Variants in LILRA6 observed in about 807,000 individuals in gnomAD.
The protein encoded by LILRA6 is leukocyte immunoglobulin-like receptor subfamily A member 6.
In LILRA6, 16 loss-of-function variants were observed where a neutral mutation model predicts 53.9. The ratio of observed to expected loss-of-function variants is 0.30; its 90% CI spans 0.20 to 0.45. The LOEUF (loss-of-function observed/expected upper bound fraction) is 0.45, where lower values mean the gene tolerates loss of function less well. Ranked by LOEUF, LILRA6 falls within the 20% of genes least tolerant of loss-of-function variation. The pLI is 1.00. For missense variants in LILRA6, 306 were observed against 618.6 expected, an observed-to-expected ratio of 0.49 and a Z score of 5.36; for synonymous variants, 135 against 256.4, an observed-to-expected ratio of 0.53 and a Z score of 4.52.
chr19:54,239,066 C>T, exon 8 of LILRA6: 3 of 1,611,450 alleles, frequency 1.9e-6, no homozygotes, highest in Non-Finnish European at 2.5e-6. Context: ...AGATTCTCCA[C>T]TGTGTAATCC....
exon 6 of LILRA6, chr19:54,240,483 T>A (rs2078726244): frequency 1.3e-6 from 2 of 1,558,556 alleles, no homozygotes; most frequent in African/African-American, 2.7e-5. Context: ...AGTGTCAAAC[T>A]GCCACCATGA....
chr19:54,241,768 T>G, exon 4 of LILRA6: 1 of 1,415,898 alleles, frequency 7.1e-7, no homozygotes, highest in South Asian at 1.4e-5. Flanking sequence ...CCTTCCTTCA[T>G]CAGAACAAAA....
chr19:54,239,393 G>T (rs2078687222), intron 7 of LILRA6: 3 of 697,956 alleles, frequency 4.3e-6, no homozygotes, highest in Non-Finnish European at 6.7e-6. Context: ...CTGCAGCAGG[G>T]CTCCCTCCAG....
At chr19:54,239,771 C>T (rs73938613) in intron 7 of LILRA6, 130 bp downstream of exon 7, 1 of 1,549,312 alleles carries the variant, frequency 6.5e-7, no homozygotes, top group Admixed American at 2.0e-5. Flanking sequence ...GAACCCCCCA[C>T]TCTTCACCAG....
At chr19:54,241,651 T>C (rs1430600251) in exon 4 of LILRA6, 1 of 1,507,324 alleles carries the variant, frequency 6.6e-7, no homozygotes, top group East Asian at 2.3e-5. Flanking sequence ...TAATAGCATG[T>C]GAACCTCCAC....
At chr19:54,239,296 C>A in intron 7 of LILRA6, 1 of 1,440,746 alleles carries the variant, frequency 6.9e-7, no homozygotes. Flanking sequence ...GAGCCCTGAG[C>A]CAGCCTCTCC....
intron 7 of LILRA6, 106 bp downstream of exon 7, chr19:54,239,795 C>G (rs1364281056): frequency 1.3e-6 from 2 of 1,550,556 alleles, no homozygotes; most frequent in African/African-American, 2.8e-5. Context: ...AGCCTCAGAG[C>G]CCCTGGGACA....
At chr19:54,238,518 G>C (rs569666498), downstream of LILRA6, 1 of 183,132 alleles carries the variant, frequency 5.5e-6, no homozygotes, top group South Asian at 1.3e-4. Flanking sequence ...AGGAATGATC[G>C]ACAGATAGTC....
rs748357617 is a variant in LILRA6 at position 54,241,829 on chromosome 19, G to A, written c.405C>T (p.Ala135=). The change falls in exon 4 of 8, where the codon GCC becomes GCT. Residue 135 remains alanine, a synonymous_variant. Coordinates refer to ENST00000396365, the Ensembl canonical transcript of LILRA6. ...ATTGGAGGGTCATATTCCCCCCTGA[G>A]GCCACCACAGGGCTGGGCAGGGCTG... is the stretch of plus-strand genomic sequence containing the variant. The A allele has an allele frequency of 5.7e-5, 75 of 1,325,346 alleles. 1 individual carries two copies. The African/African-American group carries it at 9.8e-4, about 17-fold the overall frequency. The allele number at this position is 1,325,346 out of a possible 1,614,324, so 82.1% of individuals were successfully genotyped here.
rs551439768 is a variant in LILRA6, at chr19:54,239,148, C to A, written c.1310-59G>T. ...CGGGCAGATCAACTTCACCCAGGAC[C>A]CCTGGATGCCCAACCCAGGGCACCC... On this transcript the variant is annotated intron_variant, in intron 7 of 7. Transcript: ENST00000396365. The A allele has an allele frequency of 8.1e-6, 13 of 1,603,756 alleles. No individual in the cohort carries two copies. The East Asian group carries it at 2.9e-4, about 36-fold the overall frequency.
At chr19:54,237,603 C>T (rs2078654866), downstream of LILRA6, 1 of 151,326 alleles carries the variant, frequency 6.6e-6, no homozygotes. Flanking sequence ...CCATGTTGAA[C>T]AGAACCCTCC....
exon 3 of LILRA6, chr19:54,242,108 G>T (rs751044426): frequency 3.6e-6 from 5 of 1,391,868 alleles, no homozygotes; most frequent in Non-Finnish European, 4.9e-6. Context: ...TCCCCGCATG[G>T]TGCTCTGTTA....
At chr19:54,239,082 G>C (rs755182340) in exon 8 of LILRA6, 20 of 1,611,062 alleles carry the variant, frequency 1.2e-5, no homozygotes, top group Non-Finnish European at 1.6e-5. Context: ...AATCCTTGGC[G>C]TGTGAGGCTG....
At position 54,242,178 on chromosome 19, in the gene LILRA6, G is replaced by A. The variant is rs1254630388; in HGVS notation, c.203C>T (p.Pro68Leu). The A allele has an allele frequency of 3.5e-6, 5 of 1,417,256 alleles. 2 individuals are homozygous for A. Among genetic ancestry groups the A allele is most frequent in the Non-Finnish European group, 4.8e-6 (5 of 1,046,454 alleles). 87.8% of individuals were successfully genotyped at this position (1,417,256 alleles called of 1,614,324 possible). The change falls in exon 3 of 8, where the codon CCC becomes CTC. Residue 68 changes from proline (P) to leucine (L), a missense_variant. Around this residue, in one of 9 missense-constraint regions of LILRA6, gnomAD observed 27 missense variants for 107.0 expected, o/e 0.25. Transcript: ENST00000396365. ...TTCCAGTGGGTTATTTCTGTCCCAG[G>A]GCTCTGGGCTTCCCTCTTTATCCAG...
At chr19:54,236,824 C>T (rs1269255989), downstream of LILRA6, 1 of 150,884 alleles carries the variant, frequency 6.6e-6, no homozygotes, top group Non-Finnish European at 1.5e-5. Context: ...TGTTCTCACT[C>T]ACGCGGAAGC....
At position 54,239,103 on chromosome 19, in the gene LILRA6, G is replaced by A. The variant is rs530423158; in HGVS notation, c.1310-14C>T. 1.2e-5 allele frequency: 20 copies of A among 1,610,844 alleles called. No homozygotes were observed. The highest frequency in any genetic ancestry group is 1.7e-4 in the Middle Eastern group (1 of 6,052). On this transcript the variant is annotated splice_polypyrimidine_tract_variant and intron_variant, in intron 7 of 7. Coordinates refer to ENST00000396365, the Ensembl canonical transcript of LILRA6. Reference sequence around the variant, plus strand: ...TGGCGTGTGAGGCTGGGGATGGTGGGCAAAGAGGTCACAGAGGTCCGGGCA... The same window carrying A: ...TGGCGTGTGAGGCTGGGGATGGTGGACAAAGAGGTCACAGAGGTCCGGGCA...
chr19:54,238,068 C>T (rs1009545384), downstream of LILRA6: 4 of 133,782 alleles, frequency 3.0e-5, no homozygotes, highest in East Asian at 2.0e-4. Context: ...TCACCTGGGC[C>T]GGAGTGCAAT....
downstream of LILRA6, chr19:54,236,977 GAGAGCTC>G (rs2078648764): frequency 6.6e-6 from 1 of 150,958 alleles, no homozygotes; most frequent in South Asian, 2.1e-4. Context: ...TCCAGGGCCT[GAGAGCTC>G]AGTAGGGTGA....
At chr19:54,239,049 G>A (rs2078677901) in exon 8 of LILRA6, 1 of 1,611,452 alleles carries the variant, frequency 6.2e-7, no homozygotes, top group Non-Finnish European at 8.5e-7. Context: ...CCATGCCCAT[G>A]CGGATGAGAT....
Sources: allele counts gnomAD v4.1 joint callset, GRCh38; gene constraint gnomAD v4.1.1; regional missense constraint gnomAD v4.1.1; transcripts MANE v1.5; gene names NCBI Gene and HGNC (gene_info 2026-07-23, HGNC 2026-07-21).